The following TACR1 variants were observed in gnomAD, a reference collection of about 807,000 sequenced individuals.
TACR1 encodes tachykinin receptor 1.
TACR1 carries 25 observed loss-of-function variants against 35.8 expected under a neutral mutation model. The observed-to-expected ratio is 0.70, with a 90% CI of 0.51 to 0.98. The LOEUF (loss-of-function observed/expected upper bound fraction) is 0.98. Among genes scored for constraint, TACR1 ranks in the 50% least tolerant of loss-of-function variants. The probability of loss-of-function intolerance (pLI) is 0.00; values close to 1 mark genes in which losing one functional copy is unlikely to be tolerated. For missense variants in TACR1, 478 were observed against 522.9 expected, an observed-to-expected ratio of 0.91 and a Z score of 0.84; for synonymous variants, 195 against 206.7, an observed-to-expected ratio of 0.94 and a Z score of 0.48.
chr2:75,140,849 T>C (rs1247952478), intron 1 of TACR1, among the ~76,000 whole-genome samples: 1 of 152,172 alleles, frequency 6.6e-6, no homozygotes, highest in Non-Finnish European at 1.5e-5. Context: ...CCTCCAATGG[T>C]CTGAATAAAT....
intron 2 of TACR1, among the ~76,000 whole-genome samples, chr2:75,092,162 AG>A (rs1449864315): frequency 6.6e-6 from 1 of 152,174 alleles, no homozygotes; most frequent in African/African-American, 2.4e-5. Flanking sequence ...GACGTAAGAG[AG>A]GGTTTATATC....
chr2:75,127,356 A>G (rs1232171674), intron 1 of TACR1, among the ~76,000 whole-genome samples: 1 of 152,192 alleles, frequency 6.6e-6, no homozygotes, highest in Non-Finnish European at 1.5e-5. Flanking sequence ...ACACACCACT[A>G]AATCATTTTT....
chr2:75,091,459 A>T (rs74966334), intron 2 of TACR1, among the ~76,000 whole-genome samples: 2,526 of 152,186 alleles, frequency 0.017, 25 homozygotes, highest in Non-Finnish European at 0.028. Context: ...AGACCCTTCA[A>T]CTTTGTCAGT....
chr2:75,172,835 A>C (rs1038323591), intron 1 of TACR1, among the ~76,000 whole-genome samples: 1 of 152,144 alleles, frequency 6.6e-6, no homozygotes, highest in Non-Finnish European at 1.5e-5. Flanking sequence ...TATGCAGGGA[A>C]GGATTTATTC....
At position 75,053,694 on chromosome 2, in the gene TACR1, A is replaced by G; in HGVS notation, c.646T>C (p.Tyr216His). ...CATAGTGTGATTCCCACTACGGTGT[A>G]TGCATAGCCAATCACCAGCAGGGGG... Reference protein sequence around the residue: ...FLPLLVIGYAYTVVGITLWAS... With the variant: ...FLPLLVIGYAHTVVGITLWAS... The change falls in exon 3 of 5, where the codon TAC becomes CAC. Residue 216 changes from tyrosine (Y) to histidine (H), a missense_variant. By Grantham distance (83) the Tyr-to-His change is moderately conservative (BLOSUM62 2). Transcript: ENST00000305249. 5 of 1,614,018 alleles carry G rather than the reference A, an allele frequency of 3.1e-6. No homozygotes were observed. The highest frequency in any genetic ancestry group is 4.2e-6 in the Non-Finnish European group (5 of 1,179,936).
chr2:75,054,379 G>A (rs959866971), intron 2 of TACR1, among the ~76,000 whole-genome samples: 1 of 152,206 alleles, frequency 6.6e-6, no homozygotes, highest in African/African-American at 2.4e-5. Flanking sequence ...ACTAGAATTA[G>A]TGGGTGGGTG....
intron 2 of TACR1, among the ~76,000 whole-genome samples, chr2:75,081,588 G>A (rs753617035): frequency 3.3e-5 from 5 of 152,170 alleles, no homozygotes; most frequent in Non-Finnish European, 5.9e-5. Flanking sequence ...CCTCTAGGTT[G>A]GGGGCAGAGT....
At chr2:75,176,859 C>T (rs1675432511) in intron 1 of TACR1, among the ~76,000 whole-genome samples, 1 of 152,180 alleles carries the variant, frequency 6.6e-6, no homozygotes, top group African/African-American at 2.4e-5. Flanking sequence ...TGAACAGTGA[C>T]TAGGCTTTTA....
intron 1 of TACR1, among the ~76,000 whole-genome samples, chr2:75,176,975 GA>G (rs1675435206): frequency 6.6e-6 from 1 of 152,032 alleles, no homozygotes; most frequent in Admixed American, 6.6e-5. Context: ...CTTCTTCAAA[GA>G]TTTCCTTCAC....
intron 2 of TACR1, among the ~76,000 whole-genome samples, chr2:75,082,714 A>C (rs1313020797): frequency 2.0e-5 from 3 of 152,212 alleles, no homozygotes; most frequent in African/African-American, 7.2e-5. Context: ...TTGGCTGCAT[A>C]AATGTCTTCT....
chr2:75,109,927 G>T (rs1386762065), intron 2 of TACR1, among the ~76,000 whole-genome samples: 2 of 152,076 alleles, frequency 1.3e-5, no homozygotes, highest in South Asian at 4.1e-4. Context: ...AGAAAAGAGG[G>T]CAGGCCATTA....
intron 2 of TACR1, among the ~76,000 whole-genome samples, chr2:75,103,764 T>C (rs1673587150): frequency 6.6e-6 from 1 of 152,086 alleles, no homozygotes; most frequent in East Asian, 1.9e-4. Context: ...ATAATAATTT[T>C]AGTATTTGTG....
At chr2:75,139,085 A>G (rs1416041438) in intron 1 of TACR1, among the ~76,000 whole-genome samples, 1 of 152,198 alleles carries the variant, frequency 6.6e-6, no homozygotes, top group Non-Finnish European at 1.5e-5. Context: ...TGTACTAAAT[A>G]GTTAACATAT....
chr2:75,149,592 A>G (rs934132259), intron 1 of TACR1, among the ~76,000 whole-genome samples: 4 of 152,128 alleles, frequency 2.6e-5, no homozygotes, highest in Non-Finnish European at 4.4e-5. Flanking sequence ...TTGATTTTGT[A>G]TCCTGGGACT....
intron 2 of TACR1, among the ~76,000 whole-genome samples, chr2:75,076,830 C>T (rs1280275043): frequency 6.6e-6 from 1 of 152,114 alleles, no homozygotes; most frequent in Non-Finnish European, 1.5e-5. Context: ...GGCCTGAGAA[C>T]TCTAAGTTTT....
In TACR1 at chr2:75,049,369, T is replaced by G. The variant is rs201919235; in HGVS notation, c.*63A>C. On this transcript the variant is annotated 3_prime_UTR_variant, in exon 5 of 5. Transcript: ENST00000305249. Reference sequence around the variant, plus strand: ...CTGATGGTTCCAGATGAAGGGAATTTCCATGCATGAAGGGAGGCAGGTCAA... The same window carrying G: ...CTGATGGTTCCAGATGAAGGGAATTGCCATGCATGAAGGGAGGCAGGTCAA... 3.3e-6 allele frequency: 5 copies of G among 1,536,322 alleles called. No homozygotes were observed. Among genetic ancestry groups the G allele is most frequent in the Admixed American group, 3.7e-5 (2 of 53,814 alleles).
intron 2 of TACR1, among the ~76,000 whole-genome samples, chr2:75,109,189 C>T (rs763744752): frequency 1.3e-5 from 2 of 152,144 alleles, no homozygotes; most frequent in African/African-American, 4.8e-5. Context: ...GATGTACAAT[C>T]GGCATCGCGG....
chr2:75,057,901 A>G (rs1672599222), intron 2 of TACR1, among the ~76,000 whole-genome samples: 1 of 152,248 alleles, frequency 6.6e-6, no homozygotes. Flanking sequence ...TACATATTTT[A>G]TCACAATAAA....
chr2:75,189,680 G>C (rs761788417), intron 1 of TACR1: 1 of 152,184 alleles, frequency 6.6e-6, no homozygotes, highest in Non-Finnish European at 1.5e-5. Context: ...AAGAGAATTT[G>C]TGTGCTAAAT....
Sources: gnomAD v4.1 joint callset for allele counts (sites outside exome capture counted in the v4.1 genomes callset) on GRCh38, gnomAD v4.1.1 for gene constraint, MANE v1.5 for transcripts, NCBI Gene and HGNC (gene_info 2026-07-23, HGNC 2026-07-21) for gene names.